The following GGACT variants were observed in gnomAD, a reference collection of about 807,000 sequenced individuals.
GGACT encodes gamma-glutamylaminecyclotransferase.
For synonymous variants in GGACT, 118 were observed against 115.3 expected (o/e 1.02, Z -0.15); for missense variants, 241 against 233.2 (o/e 1.03, Z -0.22).
intron 2 of GGACT, among the ~76,000 whole-genome samples, chr13:100,541,189 G>C (rs1188807092): frequency 6.6e-6 from 1 of 152,194 alleles, no homozygotes; most frequent in African/African-American, 2.4e-5. Context: ...CAGCCCTGCT[G>C]CATCAGACAC....
chr13:100,546,377 A>G (rs1239523120), intron 2 of GGACT, among the ~76,000 whole-genome samples: 1 of 151,862 alleles, frequency 6.6e-6, no homozygotes, highest in African/African-American at 2.4e-5. Flanking sequence ...AAAAAAAAAA[A>G]AAAAAAAGAA....
rs1322922414 is a variant in GGACT at position 100,532,172 on chromosome 13, C to T, written c.420G>A (p.Glu140=). The change falls in exon 3 of 3, where the codon GAG becomes GAA. Residue 140 remains glutamate (E), a synonymous_variant. Coordinates refer to ENST00000683975, the MANE Select transcript of GGACT (RefSeq NM_001195087.2). ...GGTTGTAGCGCAGCCCGTGCGGCCCCTCGGAGTCGTAGCTGTCATGGTGCG... is the reference window on the plus strand; with the variant it reads ...GGTTGTAGCGCAGCCCGTGCGGCCCTTCGGAGTCGTAGCTGTCATGGTGCG... ...QLPHHDSYDS[E]GPHGLRYNPR... 35 of 1,463,816 alleles carry T rather than the reference C, an allele frequency of 2.4e-5. No homozygotes were observed. Among genetic ancestry groups the T allele is most frequent in the Non-Finnish European group, 3.2e-5 (35 of 1,101,768 alleles). The allele number at this position is 1,463,816 out of a possible 1,614,324, so 90.7% of individuals were successfully genotyped here.
intron 2 of GGACT, among the ~76,000 whole-genome samples, chr13:100,567,657 A>T (rs978171943): frequency 6.6e-6 from 1 of 152,180 alleles, no homozygotes; most frequent in African/African-American, 2.4e-5. Context: ...AAACATACAC[A>T]CACGCACACT....
chr13:100,540,728 GTTC>G (rs2088545025), intron 2 of GGACT, among the ~76,000 whole-genome samples: 1 of 152,062 alleles, frequency 6.6e-6, no homozygotes, highest in Non-Finnish European at 1.5e-5. Flanking sequence ...TGTCTCTCAT[GTTC>G]AGCCCATCTC....
chr13:100,572,083 A>G (rs1222995034), intron 2 of GGACT, among the ~76,000 whole-genome samples: 1 of 152,236 alleles, frequency 6.6e-6, no homozygotes, highest in Admixed American at 6.5e-5. Context: ...AGTATACTAA[A>G]AATGACATAG....
At chr13:100,547,194 G>A (rs1275533197) in intron 2 of GGACT, among the ~76,000 whole-genome samples, 1 of 152,178 alleles carries the variant, frequency 6.6e-6, no homozygotes, top group African/African-American at 2.4e-5. Flanking sequence ...CCCGGGAGCA[G>A]GGCAGAAGCA....
At position 100,534,366 on chromosome 13, in the gene GGACT, C is replaced by G. The variant is rs75252546; in HGVS notation, c.-10-1765G>C. ...ACACAGATTAGACCTGGGGGGCATGCTGGGATAGGAAAGTTGAGATGTGAA... is the reference window on the plus strand; with the variant it reads ...ACACAGATTAGACCTGGGGGGCATGGTGGGATAGGAAAGTTGAGATGTGAA... On this transcript the variant is annotated intron_variant, in intron 2 of 2. Coordinates refer to ENST00000683975, the MANE Select transcript of GGACT (RefSeq NM_001195087.2). The surrounding 1 kb of genome is among the most constrained non-coding windows in gnomAD (Gnocchi z 4.9). Among the ~76,000 whole-genome samples, 13 of 151,950 alleles carry G rather than the reference C, an allele frequency of 8.6e-5. No individual in the cohort carries two copies. The highest frequency in any genetic ancestry group is 1.5e-4 in the Non-Finnish European group (10 of 67,980).
intron 2 of GGACT, among the ~76,000 whole-genome samples, chr13:100,582,961 G>A (rs1018945814): frequency 6.6e-6 from 1 of 152,038 alleles, no homozygotes; most frequent in East Asian, 1.9e-4. Flanking sequence ...TGAATGAATG[G>A]GACAAAGATA....
intron 2 of GGACT, among the ~76,000 whole-genome samples, chr13:100,553,504 G>A (rs549408455): frequency 6.6e-6 from 1 of 152,302 alleles, no homozygotes; most frequent in Admixed American, 6.5e-5. Flanking sequence ...CACCACCTGA[G>A]AGCGGCCAGA....
intron 2 of GGACT, chr13:100,535,672 G>C (rs1303321078): frequency 6.6e-6 from 1 of 152,186 alleles, no homozygotes; most frequent in Non-Finnish European, 1.5e-5. Flanking sequence ...GTCAGACCCA[G>C]ATCTATTTCG....
chr13:100,555,397 A>G (rs945498246), intron 2 of GGACT, among the ~76,000 whole-genome samples: 1 of 152,110 alleles, frequency 6.6e-6, no homozygotes, highest in East Asian at 1.9e-4. Flanking sequence ...ATGGTGGTGC[A>G]TGCCTGTAGT....
intron 1 of GGACT, among the ~76,000 whole-genome samples, chr13:100,588,425 C>G (rs985107485): frequency 6.6e-6 from 1 of 152,224 alleles, no homozygotes; most frequent in Non-Finnish European, 1.5e-5. Context: ...GCTTCCTTTA[C>G]AGGGAAGCAG....
intron 2 of GGACT, among the ~76,000 whole-genome samples, chr13:100,560,938 G>A (rs963921197): frequency 2.6e-4 from 40 of 152,140 alleles, no homozygotes; most frequent in Admixed American, 5.2e-4. Flanking sequence ...CCCAGGCTGC[G>A]CACCCCGCAT....
rs1013145743 is a variant in GGACT, at chr13:100,534,817, T to C, written c.-10-2216A>G. On this transcript the variant is annotated intron_variant, in intron 2 of 2. Coordinates refer to ENST00000683975, the MANE Select transcript of GGACT (RefSeq NM_001195087.2). The surrounding 1 kb of genome is among the most constrained non-coding windows in gnomAD (Gnocchi z 4.9). ...TGCCCCCAGTGCACCACCCAGAGGG[T>C]CCTTGTCAATCTCCTGCTGCAGACT... Among the ~76,000 whole-genome samples, 1 of 151,790 alleles carries C rather than the reference T, an allele frequency of 6.6e-6. No individual in the cohort carries two copies. The highest frequency in any genetic ancestry group is 1.5e-5 in the Non-Finnish European group (1 of 67,936).
chr13:100,567,615 C>T (rs754194028), intron 2 of GGACT, among the ~76,000 whole-genome samples: 7 of 152,226 alleles, frequency 4.6e-5, no homozygotes, highest in Non-Finnish European at 8.8e-5. Context: ...ACAACCCCTG[C>T]GCCAGCAGAA....
At position 100,532,413 on chromosome 13, in the gene GGACT, C is replaced by T. The variant is rs926172465; in HGVS notation, c.179G>A (p.Gly60Glu). Reference protein sequence around the residue: ...IPWLLHLPGSGRLVEGEVYAV... With the variant: ...IPWLLHLPGSERLVEGEVYAV... ...GTAGACCTCGCCCTCCACGAGGCGC[C>T]CCGAGCCGGGCAGGTGCAGCAGCCA... The change falls in exon 3 of 3, where the codon GGG becomes GAG. Residue 60 changes from glycine to glutamate, a missense_variant. Gly to Glu is a moderately conservative substitution (Grantham distance 98, BLOSUM62 -2). Transcript: ENST00000683975. 1.6e-5 allele frequency: 25 copies of T among 1,550,028 alleles called. No homozygotes were observed. The highest frequency in any genetic ancestry group is 2.1e-5 in the Non-Finnish European group (24 of 1,146,648).
chr13:100,556,185 C>G (rs1476189840), intron 2 of GGACT, among the ~76,000 whole-genome samples: 1 of 152,194 alleles, frequency 6.6e-6, no homozygotes, highest in Non-Finnish European at 1.5e-5. Context: ...AGAAAGAAAA[C>G]TATCTTTTTT....
At chr13:100,571,139 G>A (rs1010758093) in intron 2 of GGACT, among the ~76,000 whole-genome samples, 23 of 152,064 alleles carry the variant, frequency 1.5e-4, no homozygotes, top group Admixed American at 1.2e-3. Flanking sequence ...AGGAAAGAAG[G>A]GAAAAAAGGG....
At chr13:100,547,324 C>A (rs558173903) in intron 2 of GGACT, among the ~76,000 whole-genome samples, 3 of 152,200 alleles carry the variant, frequency 2.0e-5, no homozygotes, top group African/African-American at 4.8e-5. Context: ...TACTTGCTGC[C>A]GCAGACACAG....
Sources: gnomAD v4.1 joint callset for allele counts (sites outside exome capture counted in the v4.1 genomes callset) on GRCh38, gnomAD v4.1.1 for gene constraint, Gnocchi (gnomAD v3.1) non-coding constraint, MANE v1.5 for transcripts, NCBI Gene and HGNC (gene_info 2026-07-23, HGNC 2026-07-21) for gene names.